Variants in PDE11A observed in about 807,000 individuals in gnomAD.
PDE11A encodes dual 3',5'-cyclic-AMP and -GMP phosphodiesterase 11A.
Under a neutral mutation model 100.5 loss-of-function variants are expected in PDE11A, and 100 were observed. That is an observed-to-expected ratio of 1.00 (90% CI 0.85 to 1.18). PDE11A has a LOEUF of 1.18. Among genes scored for constraint, PDE11A ranks in the 50% most tolerant of loss-of-function variants. PDE11A has a pLI of 0.00. For synonymous variants in PDE11A, 381 were observed against 420.8 expected (o/e 0.91, Z 1.16); for missense variants, 1,141 against 1,152.6 (o/e 0.99, Z 0.15).
intron 10 of PDE11A, among the ~76,000 whole-genome samples, chr2:177,739,881 C>T (rs553703713): frequency 2.0e-5 from 3 of 152,308 alleles, no homozygotes; most frequent in South Asian, 2.1e-4. Context: ...AGCCATCACT[C>T]GCAGTGAGGA....
chr2:177,931,262 A>G (rs2085202342), intron 2 of PDE11A, among the ~76,000 whole-genome samples: 1 of 152,226 alleles, frequency 6.6e-6, no homozygotes, highest in South Asian at 2.1e-4. Flanking sequence ...TTGACAAATA[A>G]AAAGTGTACA....
rs554305661 is a variant in PDE11A at position 178,039,940 on chromosome 2, G to A, written c.913-25480C>T. Among the ~76,000 whole-genome samples, 111 of 152,104 alleles carry A rather than the reference G, an allele frequency of 7.3e-4. 1 individual carries two copies. Among genetic ancestry groups the A allele is most frequent in the Middle Eastern group, 3.4e-3 (1 of 294 alleles). ...TAGGAAAACAAAGATAGGTGGCAAA[G>A]TCATGGGGAGGGAAACAAGGGGATA... On this transcript the variant is annotated intron_variant, in intron 1 of 19. Transcript: ENST00000286063.
chr2:177,997,675 T>A (rs1298425632), intron 2 of PDE11A: 3 of 1,552,714 alleles, frequency 1.9e-6, no homozygotes. Context: ...TTTTTCTGCA[T>A]TCAGTTTGGC....
intron 2 of PDE11A, chr2:177,998,832 C>A: frequency 1.6e-6 from 1 of 641,360 alleles, no homozygotes; most frequent in Non-Finnish European, 2.9e-6. Context: ...CCACTGCCAC[C>A]TCAGCACTTC....
At chr2:177,754,196 T>C (rs1275408365) in intron 10 of PDE11A, among the ~76,000 whole-genome samples, 4 of 152,104 alleles carry the variant, frequency 2.6e-5, no homozygotes, top group African/African-American at 9.7e-5. Flanking sequence ...GCTACGCAAA[T>C]ATATTACTGG....
intron 4 of PDE11A, among the ~76,000 whole-genome samples, chr2:177,882,403 G>A (rs958733893): frequency 2.0e-5 from 3 of 152,162 alleles, no homozygotes; most frequent in African/African-American, 7.2e-5. Context: ...CCAAATAGGT[G>A]AAGGCATAAA....
At chr2:177,845,275 G>A (rs1329283347) in intron 5 of PDE11A, among the ~76,000 whole-genome samples, 8 of 150,868 alleles carry the variant, frequency 5.3e-5, no homozygotes, top group African/African-American at 1.2e-4. Flanking sequence ...CTTCTCAGAC[G>A]GGGCGGTTGC....
At chr2:177,853,653 T>G (rs1374724815) in intron 5 of PDE11A, among the ~76,000 whole-genome samples, 1 of 22,562 alleles carries the variant, frequency 4.4e-5, no homozygotes, top group Admixed American at 6.8e-4. Flanking sequence ...TATATATATA[T>G]ATATATATAT....
chr2:177,921,092 CTTT>C (rs58365596), intron 2 of PDE11A, among the ~76,000 whole-genome samples: 9 of 138,200 alleles, frequency 6.5e-5, no homozygotes, highest in South Asian at 2.3e-4. Flanking sequence ...TCAAAAATAA[CTTT>C]TTTTTTTTTT....
intron 7 of PDE11A, among the ~76,000 whole-genome samples, chr2:177,819,030 A>G (rs1324163350): frequency 6.6e-6 from 1 of 152,052 alleles, no homozygotes; most frequent in Non-Finnish European, 1.5e-5. Flanking sequence ...TTGAAGTAAT[A>G]AGGGATGTTT....
At chr2:178,038,037 A>AT (rs909637041) in intron 1 of PDE11A, among the ~76,000 whole-genome samples, 56 of 138,312 alleles carry the variant, frequency 4.0e-4, no homozygotes, top group East Asian at 2.0e-3. Flanking sequence ...TTAAAGTATA[A>AT]TAAAAAAAAA....
intron 5 of PDE11A, among the ~76,000 whole-genome samples, chr2:177,851,614 G>T (rs2083707471): frequency 6.6e-6 from 1 of 152,190 alleles, no homozygotes; most frequent in Non-Finnish European, 1.5e-5. Flanking sequence ...GATACACGGT[G>T]GAAGTGGTGA....
intron 2 of PDE11A, among the ~76,000 whole-genome samples, chr2:177,956,568 C>G (rs1408762445): frequency 6.6e-6 from 1 of 152,092 alleles, no homozygotes; most frequent in African/African-American, 2.4e-5. Context: ...GGGTATATAC[C>G]CAAAGGATTA....
rs943147567 is a variant in PDE11A, at chr2:177,845,702, C to T, written c.1368-5319G>A. On this transcript the variant is annotated intron_variant, in intron 5 of 19. Transcript: ENST00000286063. ...GGCAGCTGGGAGGTGGAGGTTGTAG[C>T]AAGCCGAGATCAAGCCACTGCACTC... Among the ~76,000 whole-genome samples, 531 of 152,168 alleles carry T rather than the reference C, an allele frequency of 3.5e-3. 4 individuals carry two copies. Among genetic ancestry groups the T allele is most frequent in the African/African-American group, 0.012 (495 of 41,524 alleles).
intron 14 of PDE11A, chr2:177,698,433 T>C (rs1184112382): frequency 6.6e-6 from 1 of 152,184 alleles, no homozygotes; most frequent in African/African-American, 2.4e-5. Flanking sequence ...TTTTAGGTTT[T>C]CTTAGTGTGA....
At chr2:177,917,620 T>A (rs1465582391) in intron 2 of PDE11A, among the ~76,000 whole-genome samples, 1 of 152,188 alleles carries the variant, frequency 6.6e-6, no homozygotes, top group East Asian at 1.9e-4. Flanking sequence ...TTTTTAAAAA[T>A]CTCATTAGAA....
chr2:177,638,480 G>A (rs1473361114), intron 19 of PDE11A, among the ~76,000 whole-genome samples: 1 of 152,064 alleles, frequency 6.6e-6, no homozygotes, highest in Non-Finnish European at 1.5e-5. Context: ...TATAATCTCT[G>A]AATTTGTATT....
At chr2:177,663,442 A>C (rs940549542) in intron 19 of PDE11A, among the ~76,000 whole-genome samples, 1 of 134,186 alleles carries the variant, frequency 7.5e-6, no homozygotes, top group Non-Finnish European at 1.5e-5. Context: ...AAAATTTGTA[A>C]AAAAAAAAAA....
intron 9 of PDE11A, among the ~76,000 whole-genome samples, chr2:177,800,163 G>A (rs914234676): frequency 2.2e-5 from 3 of 138,380 alleles, no homozygotes; most frequent in Non-Finnish European, 4.6e-5. Context: ...AATCCTAACA[G>A]TCTAATTAAA....
Sources: allele counts gnomAD v4.1 joint callset (sites outside exome capture counted in the v4.1 genomes callset), GRCh38; gene constraint gnomAD v4.1.1; transcripts MANE v1.5; gene names NCBI Gene and HGNC (gene_info 2026-07-23, HGNC 2026-07-21).